CHST9: variants seen among roughly 807,000 people sequenced by gnomAD.
CHST9 encodes carbohydrate sulfotransferase 9, also known as GalNAc-4-sulfotransferase 2.
A neutral mutation model predicts 44.4 loss-of-function variants in CHST9; 41 were observed. The observed-to-expected ratio is 0.92, with a 90% confidence interval of 0.72 to 1.20. CHST9 has a LOEUF of 1.20. CHST9 is among the 50% of genes most tolerant of loss of function. CHST9 has a pLI of 0.00. For missense variants in CHST9, 504 were observed against 516.5 expected (o/e 0.98, Z 0.23); for synonymous variants, 171 against 178.4 (o/e 0.96, Z 0.33).
chr18:26,954,137 T>A (rs2145136377), intron 4 of CHST9, among the ~76,000 whole-genome samples: 1 of 152,238 alleles, frequency 6.6e-6, no homozygotes, highest in Non-Finnish European at 1.5e-5. Context: ...GCCAATATGG[T>A]GATCTGAAAC....
chr18:27,178,392 G>A (rs4800797), intron 1 of CHST9, among the ~76,000 whole-genome samples: 107,675 of 151,794 alleles, frequency 0.71, 38,387 homozygotes, highest in East Asian at 0.77. Context: ...TATGTAACGT[G>A]GACCCTGACT....
chr18:26,919,568 T>G (rs75783635), intron 5 of CHST9, among the ~76,000 whole-genome samples: 5,909 of 152,268 alleles, frequency 0.039, 388 homozygotes, highest in African/African-American at 0.13. Flanking sequence ...GCAGTAGTAG[T>G]AGTTATAGTA....
chr18:26,923,051 AC>A (rs2055692467), intron 5 of CHST9, among the ~76,000 whole-genome samples: 1 of 152,178 alleles, frequency 6.6e-6, no homozygotes, highest in African/African-American at 2.4e-5. Context: ...GTTGTTGAGC[AC>A]CTCCTATACA....
chr18:26,998,739 C>CAAAAAAAAAA (rs11480705), intron 4 of CHST9, among the ~76,000 whole-genome samples: 2 of 114,090 alleles, frequency 1.8e-5, no homozygotes, highest in Non-Finnish European at 3.7e-5. Flanking sequence ...ACAACAACAA[C>CAAAAAAAAAA]AAAAAAAAAA....
intron 4 of CHST9, among the ~76,000 whole-genome samples, chr18:26,995,873 A>C (rs2145217268): frequency 6.6e-6 from 1 of 152,334 alleles, no homozygotes; most frequent in East Asian, 1.9e-4. Flanking sequence ...TTCTATAATA[A>C]TTTAGTTTAG....
chr18:27,176,466 T>C (rs1448705082), intron 1 of CHST9, among the ~76,000 whole-genome samples: 2 of 151,924 alleles, frequency 1.3e-5, no homozygotes, highest in Non-Finnish European at 2.9e-5. Context: ...GCCTTGGTAA[T>C]GGAATTGAAG....
At chr18:27,108,525 T>C (rs1248875626) in intron 2 of CHST9, among the ~76,000 whole-genome samples, 1 of 152,148 alleles carries the variant, frequency 6.6e-6, no homozygotes, top group African/African-American at 2.4e-5. Flanking sequence ...CATTTACACA[T>C]ACTGAAAGAT....
chr18:26,936,541 TC>T (rs2145099448), intron 5 of CHST9: 1 of 152,298 alleles, frequency 6.6e-6, no homozygotes, highest in East Asian at 1.9e-4. Flanking sequence ...GATGAGTTAC[TC>T]AATACTGAAC....
In CHST9 at chr18:27,024,155, A is replaced by T. The variant is rs1291612219; in HGVS notation, c.163T>A (p.Trp55Arg). The T allele has an allele frequency of 6.2e-7, 1 of 1,610,270 alleles. No homozygotes were observed. The highest frequency in any genetic ancestry group is 8.5e-7 in the Non-Finnish European group (1 of 1,178,554). The change falls in exon 4 of 6, where the codon TGG (tryptophan) becomes AGG (arginine). Residue 55 changes from tryptophan to arginine, a missense_variant and splice_region_variant. Transcript: ENST00000618847. ...GGCCGCAAGTACTTCACTGGTCCCC[A>T]TCCTGAAAAAGAAGAGGAAAGAAAT... Reference protein sequence around the residue: ...KRREQKVTSGWGPVKYLRPVP... With the variant: ...KRREQKVTSGRGPVKYLRPVP...
In CHST9 at chr18:26,911,688, A is replaced by C. The variant is rs2055442417; in HGVS notation, c.*4571T>G. On this transcript the variant is annotated 3_prime_UTR_variant, in exon 6 of 6. Transcript: ENST00000618847. ...TTTAAATACTTTTGCCTGGAAGCAT[A>C]TGATCCTGGTGAAAAACTAAGATGT... is the stretch of plus-strand genomic sequence containing the variant. 1 of 152,210 alleles carries C rather than the reference A, an allele frequency of 6.6e-6. No individual in the cohort carries two copies. The allele number at this position is 152,210 out of a possible 1,614,324, so 9.4% of individuals were successfully genotyped here.
chr18:27,022,627 G>A (rs2057239236), intron 4 of CHST9, among the ~76,000 whole-genome samples: 1 of 152,134 alleles, frequency 6.6e-6, no homozygotes, highest in Non-Finnish European at 1.5e-5. Context: ...GGCAATACAT[G>A]TGCTTTGATG....
intron 4 of CHST9, among the ~76,000 whole-genome samples, chr18:26,977,425 TAAA>T (rs34131355): frequency 1.2e-3 from 160 of 134,632 alleles, no homozygotes; most frequent in Admixed American, 1.8e-3. Context: ...AGGTCACTTG[TAAA>T]AAAAAAAAAA....
At chr18:27,001,866 G>A (rs144710780) in intron 4 of CHST9, among the ~76,000 whole-genome samples, 29 of 152,202 alleles carry the variant, frequency 1.9e-4, no homozygotes, top group Non-Finnish European at 3.5e-4. Flanking sequence ...AAACACCCAC[G>A]GAACAGAAGA....
chr18:27,000,030 A>G (rs569140911), intron 4 of CHST9, among the ~76,000 whole-genome samples: 34 of 152,360 alleles, frequency 2.2e-4, no homozygotes, highest in Non-Finnish European at 4.1e-4. Context: ...AAGCAGCTTG[A>G]TGATGTGCAC....
chr18:27,082,285 TTATAA>T (rs1285327460), intron 2 of CHST9, among the ~76,000 whole-genome samples: 7 of 152,224 alleles, frequency 4.6e-5, no homozygotes, highest in Admixed American at 2.6e-4. Flanking sequence ...ATAAAAGAAA[TTATAA>T]TATACTAACT....
At chr18:27,160,910 AGT>A (rs2058741221) in intron 1 of CHST9, among the ~76,000 whole-genome samples, 1 of 152,174 alleles carries the variant, frequency 6.6e-6, no homozygotes, top group Non-Finnish European at 1.5e-5. Context: ...AGGTGTTTGT[AGT>A]ATTCTCTGAT....
At chr18:27,173,149 G>C (rs9332435) in intron 1 of CHST9, among the ~76,000 whole-genome samples, 109,079 of 151,890 alleles carry the variant, frequency 0.72, 39,420 homozygotes, top group East Asian at 0.77. Flanking sequence ...CTTTGTCCCT[G>C]TCATAGAACC....
At chr18:26,959,118 A>T (rs918376777) in intron 4 of CHST9, among the ~76,000 whole-genome samples, 2 of 152,236 alleles carry the variant, frequency 1.3e-5, no homozygotes, top group African/African-American at 4.8e-5. Context: ...CATATACACC[A>T]TGGACTACTA....
intron 4 of CHST9, among the ~76,000 whole-genome samples, chr18:26,984,097 C>T (rs2056725601): frequency 6.6e-6 from 1 of 152,152 alleles, no homozygotes; most frequent in African/African-American, 2.4e-5. Context: ...GGAGTCAAGA[C>T]CTAAGCTCAA....
Sources: gnomAD v4.1 joint callset for allele counts (sites outside exome capture counted in the v4.1 genomes callset) on GRCh38, gnomAD v4.1.1 for gene constraint, MANE v1.5 for transcripts, NCBI Gene and HGNC (gene_info 2026-07-23, HGNC 2026-07-21) for gene names.